BRAF: variants seen among roughly 807,000 people sequenced by gnomAD.
BRAF encodes the protein B-Raf proto-oncogene, serine/threonine kinase.
A neutral mutation model predicts 104.6 loss-of-function variants in BRAF; 16 were observed. The ratio of observed to expected loss-of-function variants is 0.15; its 90% CI spans 0.10 to 0.23. BRAF has a LOEUF of 0.23. Ranked by LOEUF, BRAF falls within the 10% of genes least tolerant of loss-of-function variation. The probability of loss-of-function intolerance (pLI) is 1.00; values close to 1 mark genes in which losing one functional copy is unlikely to be tolerated. For synonymous variants in BRAF, 310 were observed against 341.6 expected (o/e 0.91, Z 1.02); for missense variants, 541 against 937.3 (o/e 0.58, Z 5.52).
chr7:140,862,034 T>C (rs946775739), intron 1 of BRAF, among the ~76,000 whole-genome samples: 3 of 152,208 alleles, frequency 2.0e-5, no homozygotes, highest in Admixed American at 6.5e-5. Flanking sequence ...AATGAATACA[T>C]GACACTTGTA....
chr7:140,911,207 G>A (rs1033148860), intron 1 of BRAF, among the ~76,000 whole-genome samples: 40 of 152,138 alleles, frequency 2.6e-4, no homozygotes, highest in African/African-American at 9.2e-4. Context: ...TGACTTTGAA[G>A]GGGTCTAGAA....
chr7:140,774,605 C>T (rs920893924), intron 14 of BRAF, among the ~76,000 whole-genome samples: 1 of 152,208 alleles, frequency 6.6e-6, no homozygotes, highest in Non-Finnish European at 1.5e-5. Flanking sequence ...CATCCTCACA[C>T]TCCTGGGCTC....
At chr7:140,789,719 C>T (rs1408857789) in intron 8 of BRAF, among the ~76,000 whole-genome samples, 1 of 152,114 alleles carries the variant, frequency 6.6e-6, no homozygotes, top group African/African-American at 2.4e-5. Flanking sequence ...AATTGATTGC[C>T]AACTAAGTGA....
At chr7:140,756,561 A>C (rs1343993944) in intron 14 of BRAF, among the ~76,000 whole-genome samples, 2 of 152,168 alleles carry the variant, frequency 1.3e-5, no homozygotes, top group Admixed American at 6.5e-5. Context: ...ACCCAAACAA[A>C]AATAACAGAA....
At position 140,924,606 on chromosome 7, in the gene BRAF, G is replaced by A. The variant is rs2129153230; in HGVS notation, c.98C>T (p.Ala33Val). 6.5e-7 allele frequency: 1 copy of A among 1,527,262 alleles called. No homozygotes were observed. Among genetic ancestry groups the A allele is most frequent in the Middle Eastern group, 2.3e-4 (1 of 4,412 alleles). The allele number at this position is 1,527,262 out of a possible 1,614,324, so 94.6% of individuals were successfully genotyped here. The change falls in exon 1 of 20, where the codon GCC becomes GTC. Residue 33 changes from alanine to valine, a missense_variant. By Grantham distance (64) the Ala-to-Val change is moderately conservative (BLOSUM62 0). This residue lies in a region of BRAF where 82 missense variants were observed against 65.9 expected (regional missense o/e 1.24). Transcript: ENST00000644969. The surrounding 1 kb of genome is among the most constrained non-coding windows in gnomAD (Gnocchi z 4.2). ...AGGGTCCGCAGCCGAAGAGGCCGCG[G>A]CGCCGGCGCCGGCGCCGGCCTCGGG... ...MEPEAGAGAG[A>V]AASSAADPAI...
intron 2 of BRAF, among the ~76,000 whole-genome samples, chr7:140,842,541 C>T (rs1162286861): frequency 2.0e-5 from 3 of 152,050 alleles, no homozygotes; most frequent in Non-Finnish European, 4.4e-5. Context: ...TCCAATAAAT[C>T]AAGTACAGAA....
chr7:140,828,226 T>C (rs1475139741), intron 3 of BRAF, among the ~76,000 whole-genome samples: 3 of 152,226 alleles, frequency 2.0e-5, no homozygotes, highest in Non-Finnish European at 4.4e-5. Context: ...TCATAGATTA[T>C]GAAATACTAT....
chr7:140,722,159 T>C lies in BRAF; in HGVS notation c.*4335A>G. 9.4e-7 allele frequency: 1 copy of C among 1,064,236 alleles called. No homozygotes were observed. Among genetic ancestry groups the C allele is most frequent in the Non-Finnish European group, 1.1e-6 (1 of 878,788 alleles). 65.9% of individuals were successfully genotyped at this position (1,064,236 alleles called of 1,614,324 possible). A position where few individuals can be genotyped will look rare whatever the true frequency, so the allele number is the denominator to read the frequency against. On this transcript the variant is annotated 3_prime_UTR_variant, in exon 20 of 20. Transcript: ENST00000644969. ...TCTCTAGAAATGTCACTGAACTATA[T>C]TTGCAACCTAGTTGCTCTATGTGAT...
In BRAF at chr7:140,720,886, G is replaced by A. The variant is rs533272664; in HGVS notation, c.*5608C>T. 6 of 1,065,976 alleles carry A rather than the reference G, an allele frequency of 5.6e-6. No individual in the cohort carries two copies. Among genetic ancestry groups the A allele is most frequent in the Non-Finnish European group, 6.8e-6 (6 of 879,718 alleles). 66.0% of individuals were successfully genotyped at this position (1,065,976 alleles called of 1,614,324 possible). ...ACCCGTCAACAGACCCTTCCTTTGC[G>A]GCATCTCTTCACAAATTTTCTGCCA... On this transcript the variant is annotated 3_prime_UTR_variant, in exon 20 of 20. Coordinates refer to ENST00000644969, the MANE Select transcript of BRAF (RefSeq NM_001374258.1).
At chr7:140,881,846 A>G (rs1812956575) in intron 1 of BRAF, among the ~76,000 whole-genome samples, 2 of 152,236 alleles carry the variant, frequency 1.3e-5, no homozygotes, top group African/African-American at 4.8e-5. Flanking sequence ...TGGAGCAGTT[A>G]GATCACACAC....
chr7:140,783,305 G>C (rs2129026721), intron 10 of BRAF, 148 bp from the exon 10 acceptor site: 1 of 942,132 alleles, frequency 1.1e-6, no homozygotes, highest in South Asian at 1.8e-5. Flanking sequence ...GGGCCAAAAA[G>C]GGGCCTCATT....
At chr7:140,810,832 T>C (rs1039443697) in intron 3 of BRAF, among the ~76,000 whole-genome samples, 3 of 152,212 alleles carry the variant, frequency 2.0e-5, no homozygotes, top group Non-Finnish European at 4.4e-5. Flanking sequence ...CCAACTGAGG[T>C]TGAACAGTGA....
At chr7:140,835,330 A>G in intron 2 of BRAF, 1 of 176,372 alleles carries the variant, frequency 5.7e-6, no homozygotes, top group South Asian at 1.2e-4. Context: ...GTTGAAAAGG[A>G]CATGAGGTAT....
Position 140,720,544 on chromosome 7 carries a change from A to G in BRAF, c.*5950T>C. 9.4e-7 allele frequency: 1 copy of G among 1,065,370 alleles called. No individual in the cohort carries two copies. The highest frequency in any genetic ancestry group is 1.1e-6 in the Non-Finnish European group (1 of 879,392). 66.0% of individuals were successfully genotyped at this position (1,065,370 alleles called of 1,614,324 possible). A position where few individuals can be genotyped will look rare whatever the true frequency, so the allele number is the denominator to read the frequency against. ...TGTATTAGGAAGGAATGATTCTTAA[A>G]AAAACCGTTCACAGCTTAGAATAAA... is the stretch of plus-strand genomic sequence containing the variant. On this transcript the variant is annotated 3_prime_UTR_variant, in exon 20 of 20. Coordinates refer to ENST00000644969, the MANE Select transcript of BRAF (RefSeq NM_001374258.1).
Position 140,850,136 on chromosome 7 carries a change from T to C in BRAF, c.215A>G (p.His72Arg). The C allele has an allele frequency of 6.2e-7, 1 of 1,610,610 alleles. No homozygotes were observed. The highest frequency in any genetic ancestry group is 8.5e-7 in the Non-Finnish European group (1 of 1,177,944). The change falls in exon 2 of 20, where the codon CAT (histidine) becomes CGT (arginine). Residue 72 changes from histidine to arginine, a missense_variant. This residue lies in a region of BRAF where 86 missense variants were observed against 133.9 expected (regional missense o/e 0.64). Transcript: ENST00000644969. Reference sequence around the variant, plus strand: ...CTCCAGATATATTGATGGTGGATTATGCTCCCCACCAAATTTGTCCAATAG... The same window carrying C: ...CTCCAGATATATTGATGGTGGATTACGCTCCCCACCAAATTTGTCCAATAG... ...EALLDKFGGE[H>R]NPPSIYLEAY...
Position 140,725,995 on chromosome 7 carries a change from C to T in BRAF, c.*499G>A, listed in dbSNP as rs1585897797. On this transcript the variant is annotated 3_prime_UTR_variant, in exon 20 of 20. Coordinates refer to ENST00000644969, the MANE Select transcript of BRAF (RefSeq NM_001374258.1). ...GGGCAAGCTGCATTTTTGTTCCATC[C>T]CTCAGAAACTAACTGGTGGTCACTA... The T allele has an allele frequency of 5.6e-6, 6 of 1,067,434 alleles. No individual in the cohort carries two copies. The East Asian group carries it at 2.5e-4, about 44-fold the overall frequency. The allele number at this position is 1,067,434 out of a possible 1,614,324, so 66.1% of individuals were successfully genotyped here. A position where few individuals can be genotyped will look rare whatever the true frequency, so the allele number is the denominator to read the frequency against.
In BRAF at chr7:140,911,676, T is replaced by G. The variant is rs912346597; in HGVS notation, c.138+12890A>C. On this transcript the variant is annotated intron_variant, in intron 1 of 19. Transcript: ENST00000644969. The stretch of plus-strand genomic sequence containing the variant: ...AAGACAAGTCAAATTTGGAGAGTGT[T>G]TGAAAGAAAGTAATGATGAGATTAT... 3.9e-5 allele frequency among the ~76,000 whole-genome samples: 6 copies of G among 152,014 alleles called. No individual in the cohort carries two copies. In the East Asian group the frequency reaches 1.2e-3, roughly 29 times the overall value.
At chr7:140,796,030 C>A (rs993317328) in intron 7 of BRAF, among the ~76,000 whole-genome samples, 1 of 152,128 alleles carries the variant, frequency 6.6e-6, no homozygotes, top group Non-Finnish European at 1.5e-5. Flanking sequence ...CACTGACTGA[C>A]TGACAACCAT....
In BRAF at chr7:140,724,872, T is replaced by G. The variant is rs982841440; in HGVS notation, c.*1622A>C. ...ATTAATTTGCCATTAATACATCCGC[T>G]TTCTTTGCTATGACTGTGATTGATA... On this transcript the variant is annotated 3_prime_UTR_variant, in exon 20 of 20. Transcript: ENST00000644969. The G allele has an allele frequency of 1.9e-6, 2 of 1,038,630 alleles. No homozygotes were observed. Among genetic ancestry groups the G allele is most frequent in the African/African-American group, 3.4e-5 (2 of 59,564 alleles). 64.3% of individuals were successfully genotyped at this position (1,038,630 alleles called of 1,614,324 possible). A position where few individuals can be genotyped will look rare whatever the true frequency, so the allele number is the denominator to read the frequency against.
Sources: gnomAD v4.1 joint callset for allele counts (sites outside exome capture counted in the v4.1 genomes callset) on GRCh38, gnomAD v4.1.1 for gene constraint, gnomAD v4.1.1 regional missense constraint, Gnocchi (gnomAD v3.1) non-coding constraint, MANE v1.5 for transcripts, NCBI Gene and HGNC (gene_info 2026-07-23, HGNC 2026-07-21) for gene names.